XRCC1: variants seen among roughly 807,000 people sequenced by gnomAD.
XRCC1 encodes DNA repair protein XRCC1.
In XRCC1, 52 loss-of-function variants were observed where a neutral mutation model predicts 83.3. That is an observed-to-expected ratio of 0.62 (90% confidence interval 0.50 to 0.79). The LOEUF is 0.79. Among genes scored for constraint, XRCC1 ranks in the 30% least tolerant of loss-of-function variants. The probability of loss-of-function intolerance (pLI) is 0.00; values close to 1 mark genes in which losing one functional copy is unlikely to be tolerated. For synonymous variants in XRCC1, 281 were observed against 312.6 expected, an observed-to-expected ratio of 0.90 and a Z score of 1.07; for missense variants, 793 against 823.5, an observed-to-expected ratio of 0.96 and a Z score of 0.45.
At chr19:43,560,669 G>A (rs1366078342) in intron 3 of XRCC1, among the ~76,000 whole-genome samples, 5 of 152,148 alleles carry the variant, frequency 3.3e-5, no homozygotes, top group African/African-American at 7.2e-5. Flanking sequence ...CAGAACAGTC[G>A]AATAATACAT....
At chr19:43,552,317 G>T in intron 8 of XRCC1, 42 bp from the exon 9 acceptor site, 1 of 1,453,536 alleles carries the variant, frequency 6.9e-7, no homozygotes, top group Non-Finnish European at 9.4e-7. Flanking sequence ...ACCACTGGGG[G>T]TCAACCCCCA....
chr19:43,551,730 G>C, intron 9 of XRCC1, 43 bp from the exon 10 acceptor site: 1 of 1,479,178 alleles, frequency 6.8e-7, no homozygotes, highest in Non-Finnish European at 9.5e-7. Context: ...GGTGTGATCT[G>C]AGGGGCAAAG....
Position 43,544,170 on chromosome 19 carries a change from G to A in XRCC1, c.1686C>T (p.Leu562=), listed in dbSNP as rs2307181. The A allele has an allele frequency of 6.2e-7, 1 of 1,610,298 alleles. No individual in the cohort carries two copies. Among genetic ancestry groups the A allele is most frequent in the African/African-American group, 1.3e-5 (1 of 74,828 alleles). Residue 562 remains leucine (L), a synonymous_variant, in exon 15 of 17, where the codon CTC becomes CTT. Transcript: ENST00000262887. ...GEFPGDERRK[L]IRYVTAFNGE... Reference sequence around the variant, plus strand: ...CATTGAAGGCTGTGACGTATCGGATGAGTTTCCGCCGCTCGTCCCCAGGGA... The same window carrying A: ...CATTGAAGGCTGTGACGTATCGGATAAGTTTCCGCCGCTCGTCCCCAGGGA...
chr19:43,559,413 G>A (rs1216960254), intron 3 of XRCC1, among the ~76,000 whole-genome samples: 6 of 147,618 alleles, frequency 4.1e-5, no homozygotes, highest in African/African-American at 1.5e-4. Flanking sequence ...CCGGGAGGTG[G>A]AGCTTGCAGT....
rs368100288 is a variant in XRCC1, at chr19:43,544,109, T to C, written c.1712+35A>G. 297 of 1,536,324 alleles carry C rather than the reference T, an allele frequency of 1.9e-4. 1 individual carries two copies. Among genetic ancestry groups the C allele is most frequent in the Non-Finnish European group, 2.5e-4 (281 of 1,124,534 alleles). ...GTCCCTGAGCGTTCCCTTGGATCCA[T>C]CACCCCTTCCCCACCCCAGTCCCTG... On this transcript the variant is annotated intron_variant, in intron 15 of 16. Transcript: ENST00000262887.
chr19:43,558,798 AG>A (rs1294982352), intron 3 of XRCC1, among the ~76,000 whole-genome samples: 1 of 151,984 alleles, frequency 6.6e-6, no homozygotes, highest in Admixed American at 6.6e-5. Context: ...CTCAACAAGG[AG>A]TCAAAATGAT....
intron 2 of XRCC1, among the ~76,000 whole-genome samples, chr19:43,569,849 A>G (rs934503111): frequency 2.0e-5 from 3 of 152,238 alleles, no homozygotes; most frequent in Non-Finnish European, 2.9e-5. Context: ...ATGAACAAAC[A>G]TAACAAGGGA....
intron 3 of XRCC1, among the ~76,000 whole-genome samples, chr19:43,556,867 TG>T (rs1458102650): frequency 3.9e-5 from 6 of 152,154 alleles, no homozygotes; most frequent in African/African-American, 1.4e-4. Context: ...TAGCTGGACA[TG>T]GTGGTAGGCA....
chr19:43,546,923 G>T lies in XRCC1; in HGVS notation c.1254C>A (p.Ser418Arg). 6.2e-7 allele frequency: 1 copy of T among 1,613,958 alleles called. No homozygotes were observed. Among genetic ancestry groups the T allele is most frequent in the Non-Finnish European group, 8.5e-7 (1 of 1,179,984 alleles). Reference sequence around the variant, plus strand: ...TGGGGGCTTCATCTCCGCTGCCACCGCTGTGAGAGGCCTCATCCTCCTCAC... The same window carrying T: ...TGGGGGCTTCATCTCCGCTGCCACCTCTGTGAGAGGCCTCATCCTCCTCAC... ...SSSEEDEASH[S>R]GGSGDEAPKL... The change falls in exon 11 of 17, where the codon AGC becomes AGA. Residue 418 changes from serine (S) to arginine (R), a missense_variant. Physicochemically the swap from Ser to Arg is moderately radical, Grantham distance 110. Transcript: ENST00000262887.
Position 43,554,771 on chromosome 19 carries a change from A to G in XRCC1, c.289T>C (p.Ser97Pro), listed in dbSNP as rs1021338222. The G allele has an allele frequency of 6.8e-5, 109 of 1,613,422 alleles. No homozygotes were observed. Among genetic ancestry groups the G allele is most frequent in the Non-Finnish European group, 9.2e-5 (108 of 1,179,696 alleles). ...LLVTSSFMSP[S>P]ESRSGSNPNR... is the part of the protein sequence containing the mutation. ...GGGTTTGAGCCACTGCGGCTCTCGG[A>G]AGGGGACATGAAAGATGAGGTGACC... The change falls in exon 4 of 17, where the codon TCC becomes CCC. Residue 97 changes from serine to proline, a missense_variant. By Grantham distance (74) the Ser-to-Pro change is moderately conservative. Transcript: ENST00000262887.
intron 3 of XRCC1, 79 bp from the exon 4 acceptor site, chr19:43,554,883 G>A: frequency 2.0e-6 from 3 of 1,491,396 alleles, no homozygotes; most frequent in Admixed American, 1.9e-5. Flanking sequence ...GGGGAAGAGG[G>A]CACAGGGCCC....
At chr19:43,549,759 C>A (rs1189734054) in intron 10 of XRCC1, among the ~76,000 whole-genome samples, 1 of 152,074 alleles carries the variant, frequency 6.6e-6, no homozygotes, top group Non-Finnish European at 1.5e-5. Context: ...GGTCTCACCA[C>A]GTTGCCTGCA....
intron 11 of XRCC1, 27 bp from the exon 12 acceptor site, chr19:43,546,754 G>A: frequency 6.2e-7 from 1 of 1,601,100 alleles, no homozygotes; most frequent in Non-Finnish European, 8.5e-7. Flanking sequence ...GGTGGGTGAG[G>A]AGGGCAGGAA....
rs1327801525 is a variant in XRCC1, at chr19:43,544,250, G to A, written c.1622-16C>T. On this transcript the variant is annotated splice_polypyrimidine_tract_variant and intron_variant, in intron 14 of 16. Transcript: ENST00000262887. ...TGGAAGAAATCTGCAGGAGAGAAGG[G>A]GGCTAAGGTAAGCATGAGGCCCCAG... 8.8e-6 allele frequency: 14 copies of A among 1,597,846 alleles called. No individual in the cohort carries two copies. In the African/African-American group the frequency reaches 1.3e-4, roughly 15 times the overall value.
chr19:43,572,927 C>CTTT lies in XRCC1; in HGVS notation c.144+1980_144+1982dup, dbSNP rs1015971628. Reference sequence around the variant, plus strand: ...AATCATCCTAAAACTGAGATCTTTTCTTTTTTTTTTTTTTTTTTTTTTTGA... The same window carrying CTTT: ...AATCATCCTAAAACTGAGATCTTTTCTTTTTTTTTTTTTTTTTTTTTTTTTTGA... On this transcript the variant is annotated intron_variant, in intron 2 of 16. Transcript: ENST00000262887. Among the ~76,000 whole-genome samples the CTTT allele has an allele frequency of 1.5e-3, 136 of 91,138 alleles. 4 individuals are homozygous for CTTT. Among genetic ancestry groups the CTTT allele is most frequent in the East Asian group, 2.5e-3 (8 of 3,238 alleles). 59.8% of individuals were successfully genotyped at this position (91,138 alleles called of 152,430 possible).
intron 3 of XRCC1, among the ~76,000 whole-genome samples, chr19:43,558,731 A>G (rs1004306076): frequency 3.3e-5 from 5 of 152,100 alleles, no homozygotes; most frequent in African/African-American, 9.7e-5. Flanking sequence ...AACTATACAT[A>G]TCAATGGAAC....
Position 43,543,626 on chromosome 19 carries a change from GAT to G in XRCC1, c.1772_1773del (p.Asp591AlafsTer4), listed in dbSNP as rs1395136499. The G allele has an allele frequency of 6.2e-7, 1 of 1,613,924 alleles. No individual in the cohort carries two copies. The highest frequency in any genetic ancestry group is 1.7e-5 in the Admixed American group (1 of 59,990). On this transcript the variant is annotated frameshift_variant, in exon 16 of 17. Coordinates refer to ENST00000262887, the MANE Select transcript of XRCC1 (RefSeq NM_006297.3). LOFTEE classifies it high-confidence loss of function. ...VQFVITAQEW[D>X]PSFEEALMDN... is the part of the protein sequence containing the mutation. ...TTGGTACTCACCTCCTCAAAGCTGG[GAT>G]CCCATTCCTGTGCTGTGATCACAAA...
chr19:43,561,079 G>T, intron 2 of XRCC1, 59 bp from the exon 3 acceptor site: 1 of 1,355,254 alleles, frequency 7.4e-7, no homozygotes, highest in South Asian at 1.2e-5. Context: ...CTCACTGTGG[G>T]ACCTCAGGAT....
chr19:43,554,982 G>C (rs1243371153), intron 3 of XRCC1, 178 bp from the exon 4 acceptor site: 1 of 583,796 alleles, frequency 1.7e-6, no homozygotes, highest in African/African-American at 1.9e-5. Context: ...GTCCTGCCCT[G>C]ACACAGGCCC....
Sources: gnomAD v4.1 joint callset for allele counts (sites outside exome capture counted in the v4.1 genomes callset) on GRCh38, gnomAD v4.1.1 for gene constraint, MANE v1.5 for transcripts, NCBI Gene and HGNC (gene_info 2026-07-23, HGNC 2026-07-21) for gene names.